ZNF81: variants seen among roughly 807,000 people sequenced by gnomAD.
ZNF81 encodes the protein zinc finger protein 81, also known as zinc finger protein 81 (HFZ20).
ZNF81 carries 5 observed loss-of-function variants against 32.3 expected under a neutral mutation model. That is an observed-to-expected ratio of 0.15 (90% confidence interval 0.08 to 0.33). ZNF81 has a LOEUF of 0.33. Among genes scored for constraint, ZNF81 ranks in the 10% least tolerant of loss-of-function variants. ZNF81 has a pLI of 1.00. For missense variants in ZNF81, 379 were observed against 479.8 expected (o/e 0.79, Z 1.96); for synonymous variants, 163 against 166.8 (o/e 0.98, Z 0.17).
intron 2 of ZNF81, among the ~76,000 whole-genome samples, chrX:47,884,023 G>T (rs2058631089): frequency 9.1e-6 from 1 of 110,099 alleles, no homozygotes; most frequent in Non-Finnish European, 1.9e-5. Context: ...CGAGGCAGGT[G>T]GATCATGAGG....
chrX:47,866,731 G>A (rs1177240563), intron 2 of ZNF81, among the ~76,000 whole-genome samples: 2 of 111,523 alleles, frequency 1.8e-5, no homozygotes, highest in African/African-American at 3.3e-5. Context: ...AGGGAGATAG[G>A]ATCCTTGATG....
chrX:47,857,592 C>A (rs1459634995), intron 2 of ZNF81, among the ~76,000 whole-genome samples: 1 of 111,332 alleles, frequency 9.0e-6, no homozygotes, highest in Non-Finnish European at 1.9e-5. Context: ...TCCACTGAAC[C>A]CTTTCCCCTC....
At position 47,846,161 on chromosome X, in the gene ZNF81, A is replaced by G; in HGVS notation, c.-107A>G. On this transcript the variant is annotated 5_prime_UTR_variant, in exon 2 of 5. Coordinates refer to ENST00000338637, the MANE Select transcript of ZNF81 (RefSeq NM_007137.5). ...CAGATCTCACAGTGAAAGCTGCAGG[A>G]TCTTCCTTCTGACCCCAGCAGTCCC... The G allele has an allele frequency of 1.1e-6, 1 of 947,217 alleles. No individual in the cohort carries two copies. The highest frequency in any genetic ancestry group is 3.4e-5 in the East Asian group (1 of 29,763). 78.1% of individuals were successfully genotyped at this position (947,217 alleles called of 1,213,427 possible).
chrX:47,837,425 A>G lies in ZNF81; in HGVS notation c.-164+438A>G, dbSNP rs140761176. The stretch of plus-strand genomic sequence containing the variant: ...TCGTCAATTGTGTCATAGAAAATCT[A>G]TCCTTTTTTGTCTGCTTCTTCTATT... On this transcript the variant is annotated intron_variant, in intron 1 of 4. Transcript: ENST00000338637. Among the ~76,000 whole-genome samples, 727 of 112,168 alleles carry G rather than the reference A, an allele frequency of 6.5e-3. 1 individual carries two copies. Among genetic ancestry groups the G allele is most frequent in the Middle Eastern group, 0.037 (8 of 218 alleles).
At chrX:47,875,623 T>A (rs1490162725) in intron 2 of ZNF81, among the ~76,000 whole-genome samples, 1 of 112,406 alleles carries the variant, frequency 8.9e-6, no homozygotes, top group Non-Finnish European at 1.9e-5. Context: ...ATTTTATAAT[T>A]CACCTTCAGC....
intron 4 of ZNF81, among the ~76,000 whole-genome samples, chrX:47,904,865 A>G (rs1316707516): frequency 9.0e-6 from 1 of 110,783 alleles, no homozygotes; most frequent in Non-Finnish European, 1.9e-5. Flanking sequence ...CATATACACC[A>G]TGGAATACTA....
intron 4 of ZNF81, among the ~76,000 whole-genome samples, chrX:47,896,476 C>G (rs2058680375): frequency 9.0e-6 from 1 of 111,672 alleles, no homozygotes; most frequent in Admixed American, 9.5e-5. Context: ...TTGTAAGTAT[C>G]ACCTTCAGAT....
At chrX:47,900,959 A>T (rs1473191275) in intron 4 of ZNF81, among the ~76,000 whole-genome samples, 2 of 111,207 alleles carry the variant, frequency 1.8e-5, no homozygotes, top group African/African-American at 6.5e-5. Flanking sequence ...AAGGATTACA[A>T]GCTTTTATGA....
Position 47,915,982 on chromosome X carries a change from CA to C in ZNF81, c.1338del (p.Gln446HisfsTer12). The C allele has an allele frequency of 8.3e-7, 1 of 1,209,883 alleles. No individual in the cohort carries two copies. Among genetic ancestry groups the C allele is most frequent in the Non-Finnish European group, 1.1e-6 (1 of 894,879 alleles). On this transcript the variant is annotated frameshift_variant, in exon 5 of 5. Transcript: ENST00000338637. LOFTEE classifies it high-confidence loss of function. ...HTGERSYICT[Q>X]CGQAFIQKAH... ...AGGAGAGAGGTCCTATATCTGTACTCAATGTGGGCAGGCCTTCATCCAGAAG... is the reference window on the plus strand; with the variant it reads ...AGGAGAGAGGTCCTATATCTGTACTCATGTGGGCAGGCCTTCATCCAGAAG...
At chrX:47,894,715 G>C (rs1312771720) in intron 3 of ZNF81, among the ~76,000 whole-genome samples, 1 of 111,498 alleles carries the variant, frequency 9.0e-6, no homozygotes, top group Non-Finnish European at 1.9e-5. Flanking sequence ...GAGACAATGA[G>C]ATTATTCACA....
chrX:47,849,326 C>T (rs2058483964), intron 2 of ZNF81, among the ~76,000 whole-genome samples: 1 of 111,804 alleles, frequency 8.9e-6, no homozygotes. Flanking sequence ...TCCCTCTACT[C>T]CCAGAGCTAA....
At position 47,915,220 on chromosome X, in the gene ZNF81, C is replaced by T. The variant is rs375487524; in HGVS notation, c.574C>T (p.Arg192Cys). 23 of 1,207,389 alleles carry T rather than the reference C, an allele frequency of 1.9e-5. No homozygotes were observed. Among genetic ancestry groups the T allele is most frequent in the South Asian group, 3.5e-5 (2 of 56,397 alleles). ...TCTTTCACAGAAAAGACCCCATAAA[C>T]GTGATTCATTTGGGAAGAGTTTTAA... ...LILSQKRPHK[R>C]DSFGKSFKHN... Residue 192 changes from arginine to cysteine, a missense_variant, in exon 5 of 5, where the codon CGT (arginine) becomes TGT (cysteine). Physicochemically the swap from Arg to Cys is radical, Grantham distance 180 (BLOSUM62 -3). This residue lies in a region of ZNF81 where 277 missense variants were observed against 306.6 expected (regional missense o/e 0.90). Coordinates refer to ENST00000338637, the MANE Select transcript of ZNF81 (RefSeq NM_007137.5).
chrX:47,910,603 T>C (rs1207556), intron 4 of ZNF81, among the ~76,000 whole-genome samples: 5,673 of 111,946 alleles, frequency 0.051, 380 homozygotes, highest in African/African-American at 0.17. Flanking sequence ...CTGGAGAAGA[T>C]GTGGAGAAAT....
At chrX:47,848,265 A>C (rs2058479387) in intron 2 of ZNF81, among the ~76,000 whole-genome samples, 1 of 111,514 alleles carries the variant, frequency 9.0e-6, no homozygotes, top group Non-Finnish European at 1.9e-5. Flanking sequence ...AAGTCTTCCT[A>C]GGCCTTTTCT....
chrX:47,900,816 C>G (rs2058695733), intron 4 of ZNF81, among the ~76,000 whole-genome samples: 1 of 111,512 alleles, frequency 9.0e-6, no homozygotes, highest in Non-Finnish European at 1.9e-5. Context: ...GTTGAGGGGT[C>G]AGCCAGAGAC....
chrX:47,842,077 C>A (rs930480257), intron 1 of ZNF81, among the ~76,000 whole-genome samples: 1 of 111,995 alleles, frequency 8.9e-6, no homozygotes, highest in African/African-American at 3.2e-5. Flanking sequence ...ATCCATGGAT[C>A]ATATAGAAAT....
At chrX:47,887,507 C>A (rs782291588) in intron 2 of ZNF81, among the ~76,000 whole-genome samples, 2 of 111,616 alleles carry the variant, frequency 1.8e-5, no homozygotes, top group South Asian at 7.4e-4. Context: ...CCTAGATAGA[C>A]CATATGTTGA....
At chrX:47,850,505 T>C (rs1603169570) in intron 2 of ZNF81, among the ~76,000 whole-genome samples, 1 of 108,030 alleles carries the variant, frequency 9.3e-6, no homozygotes, top group Non-Finnish European at 1.9e-5. Flanking sequence ...GCATATAGTA[T>C]AGAGGGGTAC....
At chrX:47,860,731 A>G (rs7064485) in intron 2 of ZNF81, 47,737 of 109,932 alleles carry the variant, frequency 0.43, 7,847 homozygotes, top group East Asian at 0.63. Flanking sequence ...ACACCTGTTG[A>G]AGTCTGCAAA....
Sources: gnomAD v4.1 joint callset for allele counts (sites outside exome capture counted in the v4.1 genomes callset) on GRCh38, gnomAD v4.1.1 for gene constraint, gnomAD v4.1.1 regional missense constraint, MANE v1.5 for transcripts, NCBI Gene and HGNC (gene_info 2026-07-23, HGNC 2026-07-21) for gene names.